Variants in MYO18B observed in about 807,000 individuals in gnomAD.
MYO18B encodes the protein myosin XVIIIB, also known as unconventional myosin-XVIIIb.
In MYO18B, 204 loss-of-function variants were observed where a neutral mutation model predicts 273.0. The ratio of observed to expected loss-of-function variants is 0.75; its 90% CI spans 0.67 to 0.84. The LOEUF (loss-of-function observed/expected upper bound fraction) is 0.84. Among genes scored for constraint, MYO18B ranks in the 40% least tolerant of loss-of-function variants. The pLI is 0.00. For synonymous variants in MYO18B, 1,330 were observed against 1,305.7 expected, an observed-to-expected ratio of 1.02 and a Z score of -0.40; for missense variants, 3,212 against 3,287.6, an observed-to-expected ratio of 0.98 and a Z score of 0.56.
At chr22:25,761,511 A>G (rs2146593205) in intron 2 of MYO18B, among the ~76,000 whole-genome samples, 1 of 152,224 alleles carries the variant, frequency 6.6e-6, no homozygotes, top group Non-Finnish European at 1.5e-5. Flanking sequence ...GTCAGCTGCC[A>G]GGTTTATGCC....
intron 34 of MYO18B, among the ~76,000 whole-genome samples, chr22:25,933,275 T>G (rs1435469965): frequency 6.6e-6 from 1 of 152,194 alleles, no homozygotes; most frequent in South Asian, 2.1e-4. Flanking sequence ...AGGGATGAGC[T>G]TGTCATCCTA....
chr22:26,012,298 G>A (rs1934979909), intron 42 of MYO18B, among the ~76,000 whole-genome samples: 1 of 152,088 alleles, frequency 6.6e-6, no homozygotes, highest in African/African-American at 2.4e-5. Context: ...CCCAAAGTGG[G>A]GTAAGCATCT....
At chr22:25,827,454 C>T (rs531216796) in intron 14 of MYO18B, among the ~76,000 whole-genome samples, 4 of 152,320 alleles carry the variant, frequency 2.6e-5, no homozygotes, top group African/African-American at 4.8e-5. Context: ...TCCATCGTTA[C>T]GCACAATGCA....
At chr22:26,001,735 C>A (rs1455721766) in intron 40 of MYO18B, among the ~76,000 whole-genome samples, 4 of 152,134 alleles carry the variant, frequency 2.6e-5, no homozygotes, top group African/African-American at 9.7e-5. Context: ...AGAAGATGCC[C>A]AGCATGATTA....
At position 25,781,761 on chromosome 22, in the gene MYO18B, G is replaced by A; in HGVS notation, c.2239G>A (p.Ala747Thr). The A allele has an allele frequency of 1.3e-6, 2 of 1,587,590 alleles. No homozygotes were observed. Among genetic ancestry groups the A allele is most frequent in the East Asian group, 4.5e-5 (2 of 43,986 alleles). The change falls in exon 10 of 44, where the codon GCA (alanine) becomes ACA (threonine). Residue 747 changes from alanine (A) to threonine (T), a missense_variant. By Grantham distance (58) the Ala-to-Thr change is moderately conservative. Transcript: ENST00000335473. ...QTMLLEKSRV[A>T]RQPEGESNFL... ...AATGCTTTTGGAGAAGAGCCGCGTGGCACGGCAGCCGGAAGGGGAAAGTAA... is the reference window on the plus strand; with the variant it reads ...AATGCTTTTGGAGAAGAGCCGCGTGACACGGCAGCCGGAAGGGGAAAGTAA...
At chr22:25,893,517 T>A (rs1226675044) in intron 27 of MYO18B, among the ~76,000 whole-genome samples, 1 of 152,218 alleles carries the variant, frequency 6.6e-6, no homozygotes, top group Admixed American at 6.5e-5. Context: ...ACAGAGTACA[T>A]GGGAAGCTGC....
chr22:25,841,220 C>A (rs528502474), intron 17 of MYO18B, among the ~76,000 whole-genome samples: 1 of 152,192 alleles, frequency 6.6e-6, no homozygotes, highest in Non-Finnish European at 1.5e-5. Flanking sequence ...TGAGGGGGCC[C>A]TCTCTGGGGG....
In MYO18B at chr22:25,768,745, G is replaced by C; in HGVS notation, c.829G>C (p.Val277Leu). The C allele has an allele frequency of 6.2e-7, 1 of 1,604,028 alleles. No homozygotes were observed. The highest frequency in any genetic ancestry group is 8.5e-7 in the Non-Finnish European group (1 of 1,175,198). ...RPQAQGPGEG[V>L]RPGKAEKEGA... ...CCAAGCCCAAGGGCCCGGCGAGGGG[G>C]TGCGACCAGGGAAAGCAGAGAAGGA... The change falls in exon 4 of 44, where the codon GTG becomes CTG. Residue 277 changes from valine (V) to leucine (L), a missense_variant. Transcript: ENST00000335473.
chr22:25,955,215 A>G lies in MYO18B; in HGVS notation c.6007A>G (p.Met2003Val), dbSNP rs1232227990. The G allele has an allele frequency of 1.2e-6, 2 of 1,612,618 alleles. No homozygotes were observed. Among genetic ancestry groups the G allele is most frequent in the African/African-American group, 2.7e-5 (2 of 74,810 alleles). The stretch of plus-strand genomic sequence containing the variant: ...CCGGCTTCGGGACAGCCTGATCAAG[A>G]TGGGGGAGGAGCTTTCACAGGCGGC... ...VIRLRDSLIK[M>V]GEELSQAATS... Residue 2003 changes from methionine (M) to valine (V), a missense_variant, in exon 39 of 44, where the codon ATG becomes GTG. Transcript: ENST00000335473.
chr22:26,047,735 T>A, the MYO18B span, among the ~76,000 whole-genome samples: 1 of 152,160 alleles, frequency 6.6e-6, no homozygotes, highest in Admixed American at 6.5e-5. Context: ...TTGAAAATAT[T>A]TCATTATATT....
intron 41 of MYO18B, among the ~76,000 whole-genome samples, 197 bp from the exon 42 acceptor site, chr22:26,004,521 A>G (rs539862655): frequency 4.5e-4 from 68 of 152,344 alleles, no homozygotes; most frequent in African/African-American, 1.6e-3. Context: ...CCAAGACCCA[A>G]ATTGGCCTCT....
intron 11 of MYO18B, among the ~76,000 whole-genome samples, chr22:25,795,526 C>T (rs1371005844): frequency 6.6e-6 from 1 of 152,186 alleles, no homozygotes; most frequent in Non-Finnish European, 1.5e-5. Context: ...TCATAGGCCA[C>T]AGTGGGAGCC....
chr22:25,953,546 A>T (rs1229952260), intron 38 of MYO18B: 1 of 152,186 alleles, frequency 6.6e-6, no homozygotes, highest in Non-Finnish European at 1.5e-5. Flanking sequence ...GCTGCTATGG[A>T]TGAAGAACAG....
chr22:25,976,898 C>T (rs1045560220), intron 39 of MYO18B, among the ~76,000 whole-genome samples: 12 of 152,018 alleles, frequency 7.9e-5, no homozygotes, highest in Admixed American at 1.3e-4. Context: ...TACGAGGTGA[C>T]GGGATATGCC....
At position 26,027,400 on chromosome 22, in the gene MYO18B, G is replaced by C; in HGVS notation, c.7426G>C (p.Glu2476Gln). 1 of 1,613,980 alleles carries C rather than the reference G, an allele frequency of 6.2e-7. No homozygotes were observed. The highest frequency in any genetic ancestry group is 8.5e-7 in the Non-Finnish European group (1 of 1,179,878). ...TTCACAGCGTTCAAGCATCCACTTT[G>C]AAACGGAAGAGGCTAACCGTTCCTT... ...DGSQRSSIHF[E>Q]TEEANRSFLS... Residue 2476 changes from glutamate (E) to glutamine (Q), a missense_variant, in exon 43 of 44, where the codon GAA (glutamate) becomes CAA (glutamine). Transcript: ENST00000335473. This position sits in a 1 kb window ranked among gnomAD's most constrained non-coding sequence, Gnocchi z 4.1.
intron 25 of MYO18B, among the ~76,000 whole-genome samples, chr22:25,886,734 G>A (rs1332191455): frequency 6.6e-6 from 1 of 152,182 alleles, no homozygotes; most frequent in African/African-American, 2.4e-5. Flanking sequence ...CAAAGAAAGG[G>A]TCAGATGGTA....
Position 25,961,233 on chromosome 22 carries a change from AAAAG to A in MYO18B, c.6156+5881_6156+5884del, listed in dbSNP as rs566483449. On this transcript the variant is annotated intron_variant, in intron 39 of 43. Coordinates refer to ENST00000335473, the MANE Select transcript of MYO18B (RefSeq NM_032608.7). ...CTAGCCTCCATCTAAAAAAAAAAAAAAAAGAAAGAAAGAAAACAACAAAAAGATC... is the reference window on the plus strand; with the variant it reads ...CTAGCCTCCATCTAAAAAAAAAAAAAAAAGAAAGAAAACAACAAAAAGATC... Among the ~76,000 whole-genome samples the A allele has an allele frequency of 4.1e-3, 629 of 151,866 alleles. 2 individuals are homozygous for A. Among genetic ancestry groups the A allele is most frequent in the South Asian group, 8.3e-3 (40 of 4,814 alleles).
chr22:25,866,641 C>A (rs2090895503), intron 21 of MYO18B, among the ~76,000 whole-genome samples: 1 of 151,816 alleles, frequency 6.6e-6, no homozygotes, highest in Admixed American at 6.6e-5. Flanking sequence ...GAGATGGAGA[C>A]CATCCTGGCT....
chr22:25,967,909 TG>T (rs1250629398), intron 39 of MYO18B, among the ~76,000 whole-genome samples: 1 of 152,212 alleles, frequency 6.6e-6, no homozygotes, highest in East Asian at 1.9e-4. Context: ...AGCTTGACAT[TG>T]GCCATTGTGG....
Sources: gnomAD v4.1 joint callset for allele counts (sites outside exome capture counted in the v4.1 genomes callset) on GRCh38, gnomAD v4.1.1 for gene constraint, Gnocchi (gnomAD v3.1) non-coding constraint, MANE v1.5 for transcripts, NCBI Gene and HGNC (gene_info 2026-07-23, HGNC 2026-07-21) for gene names.